CTPS2: variants seen among roughly 807,000 people sequenced by gnomAD.
The protein encoded by CTPS2 is CTP synthase 2.
CTPS2 carries 19 observed loss-of-function variants against 46.8 expected under a neutral mutation model. The ratio of observed to expected loss-of-function variants is 0.41; its 90% CI spans 0.28 to 0.60. CTPS2 has a LOEUF of 0.60. Ranked by LOEUF, CTPS2 falls within the 20% of genes least tolerant of loss-of-function variation. The probability of loss-of-function intolerance (pLI) is 0.35; values close to 1 mark genes in which losing one functional copy is unlikely to be tolerated. For synonymous variants in CTPS2, 151 were observed against 165.2 expected, an observed-to-expected ratio of 0.91 and a Z score of 0.66; for missense variants, 286 against 447.6, an observed-to-expected ratio of 0.64 and a Z score of 3.26.
chrX:16,679,967 C>T (rs5980317), intron 9 of CTPS2, among the ~76,000 whole-genome samples: 12,190 of 110,778 alleles, frequency 0.11, 957 homozygotes, highest in African/African-American at 0.27. Flanking sequence ...AGTAAAGGGA[C>T]GACAGGAACA....
intron 13 of CTPS2, among the ~76,000 whole-genome samples, chrX:16,644,067 T>C (rs182649656): frequency 1.6e-3 from 178 of 111,451 alleles, no homozygotes; most frequent in Non-Finnish European, 2.6e-3. Context: ...CCTAAAGATA[T>C]CCGCATCCTA....
chrX:16,699,126 C>A (rs770554825), intron 2 of CTPS2, 33 bp from the exon 3 acceptor site: 3 of 1,049,525 alleles, frequency 2.9e-6, no homozygotes, highest in Non-Finnish European at 3.8e-6. Context: ...AAAATCAAAA[C>A]TTTGCTTCCA....
At chrX:16,630,865 ACT>A (rs1227599288) in intron 14 of CTPS2, among the ~76,000 whole-genome samples, 1 of 112,206 alleles carries the variant, frequency 8.9e-6, no homozygotes, top group Non-Finnish European at 1.9e-5. Flanking sequence ...CATAAATAAA[ACT>A]CTGTTGGGAC....
chrX:16,642,703 G>C (rs1175920899), intron 13 of CTPS2, among the ~76,000 whole-genome samples: 1 of 112,220 alleles, frequency 8.9e-6, no homozygotes, highest in African/African-American at 3.2e-5. Context: ...ACCTGATTCA[G>C]CAGCAAAAAT....
intron 16 of CTPS2, among the ~76,000 whole-genome samples, chrX:16,612,938 C>CATCCA (rs1386723976): frequency 1.8e-5 from 2 of 112,320 alleles, no homozygotes; most frequent in Non-Finnish European, 3.8e-5. Flanking sequence ...TAGTGACAAG[C>CATCCA]ATCCAGTAAG....
At chrX:16,662,581 T>C (rs1235700426) in intron 13 of CTPS2, among the ~76,000 whole-genome samples, 4 of 111,167 alleles carry the variant, frequency 3.6e-5, no homozygotes, top group African/African-American at 1.3e-4. Context: ...ACTGTTTACT[T>C]TCCTAGCTAG....
At chrX:16,609,845 G>A (rs767008541) in intron 16 of CTPS2, among the ~76,000 whole-genome samples, 160 bp from the exon 17 acceptor site, 5 of 112,233 alleles carry the variant, frequency 4.5e-5, no homozygotes, top group South Asian at 7.4e-4. Context: ...CCATTCCTTC[G>A]TGGAATTTCA....
At chrX:16,685,925 C>A (rs1249232801) in intron 8 of CTPS2, among the ~76,000 whole-genome samples, 1 of 107,385 alleles carries the variant, frequency 9.3e-6, no homozygotes, top group Non-Finnish European at 1.9e-5. Flanking sequence ...GAATTGTGCC[C>A]ACCTTGACTT....
chrX:16,700,342 C>T (rs757495202), intron 2 of CTPS2, among the ~76,000 whole-genome samples: 1 of 109,768 alleles, frequency 9.1e-6, no homozygotes, highest in South Asian at 3.9e-4. Flanking sequence ...TGGTCTCCAT[C>T]TCCTGACCTC....
At chrX:16,688,904 G>C (rs1923459958) in intron 8 of CTPS2, among the ~76,000 whole-genome samples, 1 of 107,233 alleles carries the variant, frequency 9.3e-6, no homozygotes, top group Non-Finnish European at 1.9e-5. Flanking sequence ...GACCAGTGTG[G>C]GTAACATAGA....
At chrX:16,642,833 C>G (rs1306522161) in intron 13 of CTPS2, among the ~76,000 whole-genome samples, 3 of 112,081 alleles carry the variant, frequency 2.7e-5, no homozygotes, top group Non-Finnish European at 5.6e-5. Context: ...AAAATAATCT[C>G]AAATATGCTT....
At chrX:16,647,485 C>T (rs1034560202) in intron 13 of CTPS2, among the ~76,000 whole-genome samples, 1 of 108,087 alleles carries the variant, frequency 9.3e-6, no homozygotes, top group Non-Finnish European at 1.9e-5. Context: ...TCAGGCTGGT[C>T]TCGAACTCCT....
At chrX:16,654,379 C>T in intron 13 of CTPS2, 1 of 1,027,265 alleles carries the variant, frequency 9.7e-7, no homozygotes, top group Non-Finnish European at 1.3e-6. Context: ...CCCCTCCCTT[C>T]TCCCATCCTT....
intron 17 of CTPS2, among the ~76,000 whole-genome samples, chrX:16,603,972 C>A (rs904885708): frequency 1.1e-4 from 12 of 111,181 alleles, no homozygotes; most frequent in African/African-American, 3.9e-4. Context: ...CCTAGGGGCA[C>A]ACAAAGGAAA....
chrX:16,602,752 G>A (rs1929738544), intron 17 of CTPS2, among the ~76,000 whole-genome samples: 2 of 112,305 alleles, frequency 1.8e-5, no homozygotes, highest in African/African-American at 6.5e-5. Flanking sequence ...AGCATCCACT[G>A]ATGATCCTTA....
At chrX:16,687,195 A>G (rs761954294) in intron 8 of CTPS2, among the ~76,000 whole-genome samples, 75 of 111,383 alleles carry the variant, frequency 6.7e-4, no homozygotes, top group Non-Finnish European at 1.4e-3. Context: ...AAGACCAAAC[A>G]TGTGGCTTTA....
At chrX:16,643,747 G>A (rs1400282543) in intron 13 of CTPS2, among the ~76,000 whole-genome samples, 2 of 110,715 alleles carry the variant, frequency 1.8e-5, no homozygotes, top group East Asian at 5.7e-4. Context: ...CCTCACACAG[G>A]AGCCCAGACT....
At position 16,708,815 on chromosome X, in the gene CTPS2, C is replaced by T. The variant is rs141656644; in HGVS notation, c.-40+3520G>A. 7.5e-3 allele frequency among the ~76,000 whole-genome samples: 839 copies of T among 112,096 alleles called. 7 individuals are homozygous for T. The highest frequency in any genetic ancestry group is 0.025 in the African/African-American group (785 of 30,927). On this transcript the variant is annotated intron_variant, in intron 1 of 18. Transcript: ENST00000359276. The stretch of plus-strand genomic sequence containing the variant: ...ATGGTGAAGAAAACTGGCATACATT[C>T]GTACAAGTCACATTATGCCTAATAA...
chrX:16,596,516 A>G (rs1439938377), intron 17 of CTPS2, among the ~76,000 whole-genome samples: 1 of 110,076 alleles, frequency 9.1e-6, no homozygotes, highest in Non-Finnish European at 1.9e-5. Flanking sequence ...TACAAAGGAC[A>G]TGAACTCATC....
Sources: gnomAD v4.1 joint callset for allele counts (sites outside exome capture counted in the v4.1 genomes callset) on GRCh38, gnomAD v4.1.1 for gene constraint, MANE v1.5 for transcripts, NCBI Gene and HGNC (gene_info 2026-07-23, HGNC 2026-07-21) for gene names.